The following MLIP variants were observed in gnomAD, a reference collection of about 807,000 sequenced individuals.
MLIP encodes the protein muscular LMNA interacting protein, also known as muscular LMNA-interacting protein.
In MLIP, 79 loss-of-function variants were observed where a neutral mutation model predicts 84.8. That is an observed-to-expected ratio of 0.93 (90% CI 0.78 to 1.12). The LOEUF (loss-of-function observed/expected upper bound fraction) is 1.12, where lower values mean the gene tolerates loss of function less well. MLIP is among the 50% of genes most tolerant of loss of function. MLIP has a pLI of 0.00. For missense variants in MLIP, 1,257 were observed against 1,160.6 expected, an observed-to-expected ratio of 1.08 and a Z score of -1.21; for synonymous variants, 504 against 463.0, an observed-to-expected ratio of 1.09 and a Z score of -1.14.
At chr6:54,041,619 C>T (rs1764746983) in intron 1 of MLIP, among the ~76,000 whole-genome samples, 1 of 152,032 alleles carries the variant, frequency 6.6e-6, no homozygotes, top group Non-Finnish European at 1.5e-5. Flanking sequence ...TATAGTCATC[C>T]TAATAGGCAC....
chr6:54,073,253 C>T (rs546178545), intron 1 of MLIP, among the ~76,000 whole-genome samples: 2 of 152,290 alleles, frequency 1.3e-5, no homozygotes, highest in East Asian at 3.9e-4. Flanking sequence ...TTTGTATCAG[C>T]TTTCAGGTTT....
chr6:54,245,533 G>A (rs370069985), intron 12 of MLIP, among the ~76,000 whole-genome samples: 24 of 152,282 alleles, frequency 1.6e-4, no homozygotes, highest in African/African-American at 5.8e-4. Context: ...GCAGCTATGA[G>A]CCATGCATTA....
chr6:54,137,535 A>G lies in MLIP; in HGVS notation c.1466A>G (p.Gln489Arg). The G allele has an allele frequency of 6.5e-7, 1 of 1,536,044 alleles. No individual in the cohort carries two copies. Among genetic ancestry groups the G allele is most frequent in the South Asian group, 1.2e-5 (1 of 84,062 alleles). Residue 489 changes from glutamine to arginine, a missense_variant, in exon 4 of 14, where the codon CAA (glutamine) becomes CGA (arginine). By Grantham distance (43) the Gln-to-Arg change is conservative. Transcript: ENST00000502396. ...CTCCAGGTTTCTGAATTGACCCAGCAATCTTTTCACCTGCCTGTTTTCACC... is the reference window on the plus strand; with the variant it reads ...CTCCAGGTTTCTGAATTGACCCAGCGATCTTTTCACCTGCCTGTTTTCACC... ...GELQVSELTQ[Q>R]SFHLPVFTKS...
chr6:54,172,567 A>T (rs1241819135), intron 9 of MLIP, among the ~76,000 whole-genome samples: 1 of 151,700 alleles, frequency 6.6e-6, no homozygotes, highest in East Asian at 1.9e-4. Flanking sequence ...TGTTAAAACC[A>T]ACTTACAAAT....
At chr6:54,224,729 G>A (rs1482082847) in intron 11 of MLIP, among the ~76,000 whole-genome samples, 2 of 150,514 alleles carry the variant, frequency 1.3e-5, no homozygotes, top group Non-Finnish European at 3.0e-5. Flanking sequence ...TTTATCCCTC[G>A]ACCCCCTTGC....
intron 1 of MLIP, among the ~76,000 whole-genome samples, chr6:54,023,003 T>TA (rs1763584248): frequency 6.6e-6 from 1 of 151,668 alleles, no homozygotes; most frequent in Non-Finnish European, 1.5e-5. Flanking sequence ...CCATCTCTAC[T>TA]AAAAATACAA....
At chr6:54,106,517 T>TTAGAAG (rs1769030383), upstream of MLIP, among the ~76,000 whole-genome samples, 1 of 152,200 alleles carries the variant, frequency 6.6e-6, no homozygotes, top group Non-Finnish European at 1.5e-5. Flanking sequence ...TACTGGGATG[T>TTAGAAG]TAGAAGTAGA....
At chr6:54,210,450 C>T (rs1344430304) in intron 11 of MLIP, among the ~76,000 whole-genome samples, 1 of 152,212 alleles carries the variant, frequency 6.6e-6, no homozygotes, top group East Asian at 1.9e-4. Flanking sequence ...ATTAGAAGAA[C>T]TTGATAAAAG....
At chr6:54,030,304 T>C (rs191517519) in intron 1 of MLIP, among the ~76,000 whole-genome samples, 326 of 152,348 alleles carry the variant, frequency 2.1e-3, no homozygotes, top group African/African-American at 6.7e-3. Flanking sequence ...ATGCAAGCAT[T>C]ACATAGAGGT....
intron 1 of MLIP, among the ~76,000 whole-genome samples, chr6:54,113,643 C>T (rs79942036): frequency 0.012 from 1,840 of 152,188 alleles, 37 homozygotes; most frequent in African/African-American, 0.042. Flanking sequence ...TTCACAAGCT[C>T]AGTGCCCTTC....
intron 13 of MLIP, 69 bp downstream of exon 13, chr6:54,257,430 A>T (rs1054820109): frequency 1.8e-5 from 22 of 1,203,580 alleles, no homozygotes; most frequent in Non-Finnish European, 2.5e-5. Flanking sequence ...AACCAATCTT[A>T]TTTTTTTAAT....
chr6:54,061,083 CAAAGGGG>C (rs2150332179), intron 1 of MLIP, among the ~76,000 whole-genome samples: 2 of 151,874 alleles, frequency 1.3e-5, no homozygotes, highest in East Asian at 1.9e-4. Context: ...ACAAAAACTC[CAAAGGGG>C]TTGAGATATC....
intron 1 of MLIP, among the ~76,000 whole-genome samples, chr6:54,034,160 C>T (rs145019830): frequency 3.9e-5 from 6 of 152,182 alleles, no homozygotes; most frequent in East Asian, 1.9e-4. Context: ...AAACGAAAAA[C>T]GAACCAAAAA....
At chr6:54,183,431 A>G (rs970169876) in intron 9 of MLIP, among the ~76,000 whole-genome samples, 8 of 152,082 alleles carry the variant, frequency 5.3e-5, no homozygotes, top group Non-Finnish European at 1.2e-4. Context: ...AATGAGACAA[A>G]CCTTCTGCTT....
In MLIP at chr6:54,121,549, C is replaced by A; in HGVS notation, c.199C>A (p.Leu67Ile). The change falls in exon 2 of 14, where the codon CTT becomes ATT. Residue 67 changes from leucine to isoleucine, a missense_variant. Coordinates refer to ENST00000502396, the MANE Select transcript of MLIP (RefSeq NM_001281747.2). ...TCAGTTGGCTGACACCTCTAAATTC[C>A]TTGTTAAAATTCCAGAAGAATCAAG... ...HTQLADTSKF[L>I]VKIPEESSDK... 1 of 1,613,790 alleles carries A rather than the reference C, an allele frequency of 6.2e-7. No individual in the cohort carries two copies. Among genetic ancestry groups the A allele is most frequent in the Non-Finnish European group, 8.5e-7 (1 of 1,179,820 alleles).
At position 54,261,255 on chromosome 6, in the gene MLIP, G is replaced by C. The variant is rs367609944; in HGVS notation, c.2976+3894G>C. Reference sequence around the variant, plus strand: ...AAACTACTTCTCCTTCTGCAGACTTGTTTGTGAAAGTCATACTGCAGAATG... The same window carrying C: ...AAACTACTTCTCCTTCTGCAGACTTCTTTGTGAAAGTCATACTGCAGAATG... On this transcript the variant is annotated intron_variant, in intron 13 of 13. Coordinates refer to ENST00000502396, the MANE Select transcript of MLIP (RefSeq NM_001281747.2). 2.7e-4 allele frequency among the ~76,000 whole-genome samples: 41 copies of C among 152,118 alleles called. No homozygotes were observed. In the East Asian group the frequency reaches 7.2e-3, roughly 27 times the overall value.
At chr6:54,236,953 C>G (rs1028327626) in intron 12 of MLIP, among the ~76,000 whole-genome samples, 7 of 151,964 alleles carry the variant, frequency 4.6e-5, no homozygotes, top group Non-Finnish European at 1.0e-4. Flanking sequence ...ATAACCTAAT[C>G]CAGGTTTTCC....
At chr6:54,209,328 A>G (rs1779255636) in intron 11 of MLIP, among the ~76,000 whole-genome samples, 1 of 152,242 alleles carries the variant, frequency 6.6e-6, no homozygotes, top group South Asian at 2.1e-4. Flanking sequence ...AAGAGAAGGC[A>G]TAAGAGAAGC....
chr6:54,181,823 TGGG>T (rs1161506742), intron 9 of MLIP, among the ~76,000 whole-genome samples: 1 of 152,184 alleles, frequency 6.6e-6, no homozygotes, highest in Non-Finnish European at 1.5e-5. Context: ...GGGCCTGTAA[TGGG>T]GGCATCATAG....
Sources: gnomAD v4.1 joint callset for allele counts (sites outside exome capture counted in the v4.1 genomes callset) on GRCh38, gnomAD v4.1.1 for gene constraint, MANE v1.5 for transcripts, NCBI Gene and HGNC (gene_info 2026-07-23, HGNC 2026-07-21) for gene names.